JMJD1C: variants seen among roughly 807,000 people sequenced by gnomAD.
The protein encoded by JMJD1C is jumonji domain-containing protein 1C.
JMJD1C carries 31 observed loss-of-function variants against 245.3 expected under a neutral mutation model. The observed-to-expected ratio is 0.13, with a 90% confidence interval of 0.09 to 0.17. JMJD1C has a LOEUF of 0.17. Among genes scored for constraint, JMJD1C ranks in the 10% least tolerant of loss-of-function variants. The pLI is 1.00. For missense variants in JMJD1C, 2,691 were observed against 3,000.2 expected (o/e 0.90, Z 2.41); for synonymous variants, 1,057 against 1,017.4 (o/e 1.04, Z -0.74).
At chr10:63,350,601 G>C (rs1274828283) in intron 2 of JMJD1C, among the ~76,000 whole-genome samples, 2 of 146,886 alleles carry the variant, frequency 1.4e-5, no homozygotes, top group African/African-American at 2.5e-5. Flanking sequence ...AACAGCTAGT[G>C]AGCTGCAGAA....
intron 1 of JMJD1C, among the ~76,000 whole-genome samples, chr10:63,510,254 C>T (rs774502789): frequency 1.1e-4 from 16 of 151,994 alleles, no homozygotes; most frequent in African/African-American, 1.9e-4. Flanking sequence ...CCACCCCCCT[C>T]GGCCTCCCAA....
chr10:63,344,573 A>G (rs868013267), intron 2 of JMJD1C, among the ~76,000 whole-genome samples: 2 of 152,326 alleles, frequency 1.3e-5, no homozygotes, highest in South Asian at 4.1e-4. Flanking sequence ...CTGACCCATG[A>G]AAGAAATAAA....
At chr10:63,425,416 T>G (rs1950381385) in intron 1 of JMJD1C, among the ~76,000 whole-genome samples, 1 of 151,750 alleles carries the variant, frequency 6.6e-6, no homozygotes, top group Admixed American at 6.6e-5. Flanking sequence ...AAATAAGGAG[T>G]GATGAAACTG....
At chr10:63,267,735 T>C (rs1855766905) in intron 2 of JMJD1C, among the ~76,000 whole-genome samples, 1 of 152,178 alleles carries the variant, frequency 6.6e-6, no homozygotes, top group Non-Finnish European at 1.5e-5. Flanking sequence ...TTCAATTTTA[T>C]TAGAGTGAGA....
intron 1 of JMJD1C, among the ~76,000 whole-genome samples, chr10:63,458,486 A>T (rs1952561929): frequency 1.4e-5 from 2 of 146,358 alleles, no homozygotes; most frequent in Non-Finnish European, 3.0e-5. Flanking sequence ...CCTGTCTTTA[A>T]AAAAAAAAAA....
chr10:63,223,955 T>C (rs535541648), intron 3 of JMJD1C, among the ~76,000 whole-genome samples: 64 of 152,222 alleles, frequency 4.2e-4, no homozygotes, highest in African/African-American at 1.3e-3. Flanking sequence ...GGTTTCGCCA[T>C]GTTGGTCAGG....
intron 22 of JMJD1C, among the ~76,000 whole-genome samples, chr10:63,180,132 C>A (rs1305731568): frequency 2.6e-5 from 4 of 152,112 alleles, no homozygotes; most frequent in African/African-American, 9.7e-5. Flanking sequence ...CTCAGCTTCC[C>A]AAGTAGCTGG....
intron 2 of JMJD1C, among the ~76,000 whole-genome samples, chr10:63,319,327 G>C (rs1940545684): frequency 1.4e-5 from 2 of 147,390 alleles, no homozygotes; most frequent in South Asian, 4.3e-4. Context: ...GAAAAAGTGT[G>C]ATGCCAATCT....
intron 2 of JMJD1C, among the ~76,000 whole-genome samples, chr10:63,291,641 C>T (rs185001738): frequency 7.1e-4 from 105 of 147,968 alleles, no homozygotes; most frequent in African/African-American, 2.1e-3. Flanking sequence ...CGGAAAGAAA[C>T]GGCTTTGCTA....
At chr10:63,476,173 G>A (rs559768185) in intron 1 of JMJD1C, among the ~76,000 whole-genome samples, 9 of 151,368 alleles carry the variant, frequency 5.9e-5, no homozygotes, top group Admixed American at 3.3e-4. Context: ...TTGCACCACC[G>A]CACTCCAGCC....
At chr10:63,458,008 T>A (rs1420928196) in intron 1 of JMJD1C, among the ~76,000 whole-genome samples, 2 of 152,128 alleles carry the variant, frequency 1.3e-5, no homozygotes, top group Admixed American at 6.6e-5. Context: ...CATCAATGGG[T>A]TTAAGATAAT....
intron 1 of JMJD1C, among the ~76,000 whole-genome samples, chr10:63,492,208 T>C (rs757337915): frequency 6.6e-6 from 1 of 152,178 alleles, no homozygotes; most frequent in Non-Finnish European, 1.5e-5. Flanking sequence ...TAATTTTTTG[T>C]ATTTTTTGTA....
At chr10:63,495,094 G>A (rs1002171980) in intron 1 of JMJD1C, among the ~76,000 whole-genome samples, 1 of 151,400 alleles carries the variant, frequency 6.6e-6, no homozygotes, top group African/African-American at 2.4e-5. Flanking sequence ...CAGTGTTAGC[G>A]CATTTTTTTT....
chr10:63,378,145 T>TA (rs1402602971), intron 2 of JMJD1C, among the ~76,000 whole-genome samples: 1 of 152,000 alleles, frequency 6.6e-6, no homozygotes, highest in African/African-American at 2.4e-5. Context: ...TAAGTAGGCC[T>TA]AATTTCAAGG....
intron 13 of JMJD1C, 124 bp downstream of exon 13, chr10:63,197,287 G>T: frequency 1.2e-6 from 1 of 814,062 alleles, no homozygotes; most frequent in Non-Finnish European, 1.8e-6. Context: ...AAAACAAACT[G>T]AAAAAAAATA....
intron 1 of JMJD1C, among the ~76,000 whole-genome samples, chr10:63,504,516 G>A: frequency 6.6e-6 from 1 of 152,180 alleles, no homozygotes; most frequent in East Asian, 1.9e-4. Flanking sequence ...CATGTTTACA[G>A]AAACAGAAGA....
rs1291835011 is a variant in JMJD1C at position 63,213,592 on chromosome 10, G to C, written c.2575C>G (p.Leu859Val). 1 of 1,614,032 alleles carries C rather than the reference G, an allele frequency of 6.2e-7. No homozygotes were observed. Among genetic ancestry groups the C allele is most frequent in the Non-Finnish European group, 8.5e-7 (1 of 1,179,978 alleles). ...HPSASYNQLG[L>V]YPIIWQYPNG... ...GGATACTGCCAAATAATTGGATAAA[G>C]TCCAAGCTGATTATATGAAGCAGAA... Residue 859 changes from leucine to valine, a missense_variant, in exon 8 of 26, where the codon CTT (leucine) becomes GTT (valine). Transcript: ENST00000399262.
intron 10 of JMJD1C, chr10:63,202,165 A>T (rs1303457622): frequency 3.2e-6 from 1 of 313,920 alleles, no homozygotes; most frequent in African/African-American, 2.3e-5. Context: ...GAGGCACAAG[A>T]ACTGCTTGAT....
At chr10:63,304,792 G>A (rs182166281) in intron 2 of JMJD1C, among the ~76,000 whole-genome samples, 1 of 152,228 alleles carries the variant, frequency 6.6e-6, no homozygotes, top group African/African-American at 2.4e-5. Context: ...AAATGTATAT[G>A]TATGTGTGTA....
Sources: allele counts gnomAD v4.1 joint callset (sites outside exome capture counted in the v4.1 genomes callset), GRCh38; gene constraint gnomAD v4.1.1; transcripts MANE v1.5; gene names NCBI Gene and HGNC (gene_info 2026-07-23, HGNC 2026-07-21).